Variants in TEX2 observed in about 807,000 individuals in gnomAD.
TEX2 encodes testis-expressed protein 2.
TEX2 carries 53 observed loss-of-function variants against 106.9 expected under a neutral mutation model. That is an observed-to-expected ratio of 0.50 (90% CI 0.40 to 0.62). The LOEUF is 0.62. TEX2 is among the 20% of genes least tolerant of loss of function. The pLI is 0.00. For synonymous variants in TEX2, 523 were observed against 534.8 expected, an observed-to-expected ratio of 0.98 and a Z score of 0.30; for missense variants, 1,207 against 1,379.0, an observed-to-expected ratio of 0.88 and a Z score of 1.98.
At chr17:64,242,710 T>C (rs1555635881) in intron 1 of TEX2, among the ~76,000 whole-genome samples, 2 of 152,166 alleles carry the variant, frequency 1.3e-5, no homozygotes, top group African/African-American at 4.8e-5. Context: ...GCAGTTTTCA[T>C]AACGTACTTT....
intron 1 of TEX2, among the ~76,000 whole-genome samples, chr17:64,216,632 T>C (rs1479637469): frequency 1.3e-5 from 2 of 152,198 alleles, no homozygotes; most frequent in Non-Finnish European, 2.9e-5. Context: ...AGGCCCAGCC[T>C]AGCGCCAAAG....
At chr17:64,191,891 AT>A (rs1263243109) in intron 4 of TEX2, among the ~76,000 whole-genome samples, 3 of 152,034 alleles carry the variant, frequency 2.0e-5, no homozygotes, top group Non-Finnish European at 2.9e-5. Context: ...ATTTGAATAT[AT>A]TTTTAACCCA....
At chr17:64,238,506 TAAAGA>T (rs1448173470) in intron 1 of TEX2, among the ~76,000 whole-genome samples, 2 of 152,236 alleles carry the variant, frequency 1.3e-5, no homozygotes, top group African/African-American at 4.8e-5. Context: ...TGGTAATTTA[TAAAGA>T]AAAGAGGTTT....
At chr17:64,170,941 C>T (rs1202793101) in intron 7 of TEX2, among the ~76,000 whole-genome samples, 159 bp downstream of exon 7, 1 of 152,066 alleles carries the variant, frequency 6.6e-6, no homozygotes, top group African/African-American at 2.4e-5. Context: ...GGCCCCAAAT[C>T]AGTTTTAAGG....
rs1464647908 is a variant in TEX2 at position 64,195,028 on chromosome 17, A to T, written c.1712T>A (p.Phe571Tyr). Reference sequence around the variant, plus strand: ...TAAGGTTCCACCCTCAAGTCGAACAAAGACTGAATGTGTCAAAGTCGCATG... The same window carrying T: ...TAAGGTTCCACCCTCAAGTCGAACATAGACTGAATGTGTCAAAGTCGCATG... ...TYHATLTHSVFVRLEGGTLRL... is the reference protein window; with the variant it reads ...TYHATLTHSVYVRLEGGTLRL... The change falls in exon 3 of 12, where the codon TTT becomes TAT. Residue 571 changes from phenylalanine (F) to tyrosine (Y), a missense_variant. This residue lies in a region of TEX2 where 1,067 missense variants were observed against 1,193.6 expected (regional missense o/e 0.89). Coordinates refer to ENST00000584379, the MANE Select transcript of TEX2 (RefSeq NM_001288732.2). This position sits in a 1 kb window ranked among gnomAD's most constrained non-coding sequence, Gnocchi z 4.1. 6.2e-7 allele frequency: 1 copy of T among 1,614,088 alleles called. No homozygotes were observed. The highest frequency in any genetic ancestry group is 1.7e-5 in the Admixed American group (1 of 59,998).
chr17:64,224,524 T>C (rs2033451251), intron 1 of TEX2, among the ~76,000 whole-genome samples: 1 of 152,234 alleles, frequency 6.6e-6, no homozygotes, highest in South Asian at 2.1e-4. Flanking sequence ...CTTAGTTTCA[T>C]TTAAAGAAAA....
chr17:64,179,602 G>C (rs113554981), intron 5 of TEX2, among the ~76,000 whole-genome samples: 466 of 152,248 alleles, frequency 3.1e-3, no homozygotes, highest in Non-Finnish European at 5.1e-3. Context: ...CCCACCAGCA[G>C]GAACCAACTC....
intron 2 of TEX2, among the ~76,000 whole-genome samples, chr17:64,198,853 G>T (rs2032563601): frequency 6.6e-6 from 1 of 151,958 alleles, no homozygotes; most frequent in East Asian, 1.9e-4. Context: ...GAGAAAAAAA[G>T]GATTAACATG....
At chr17:64,186,782 C>G (rs575618275) in intron 5 of TEX2, among the ~76,000 whole-genome samples, 3 of 152,078 alleles carry the variant, frequency 2.0e-5, no homozygotes, top group Non-Finnish European at 4.4e-5. Context: ...GCCATGTTCA[C>G]GACACTGCAC....
At chr17:64,176,393 TG>T (rs1473321973) in intron 6 of TEX2, among the ~76,000 whole-genome samples, 3 of 152,154 alleles carry the variant, frequency 2.0e-5, no homozygotes, top group Admixed American at 6.5e-5. Context: ...TCTGAAATAA[TG>T]GGCAAAATTT....
At position 64,148,173 on chromosome 17, in the gene TEX2, T is replaced by G; in HGVS notation, c.*796A>C. 6.6e-6 allele frequency: 1 copy of G among 152,652 alleles called. No homozygotes were observed. Among genetic ancestry groups the G allele is most frequent in the South Asian group, 2.1e-4 (1 of 4,830 alleles). 9.5% of individuals were successfully genotyped at this position (152,652 alleles called of 1,614,324 possible). A position where few individuals can be genotyped will look rare whatever the true frequency, so the allele number is the denominator to read the frequency against. On this transcript the variant is annotated 3_prime_UTR_variant, in exon 12 of 12. Coordinates refer to ENST00000584379, the MANE Select transcript of TEX2 (RefSeq NM_001288732.2). ...CAGATGGAAAAACTGGCTCTGGCTT[T>G]CTAACCCCATCCCATCTGTATGAGA...
intron 3 of TEX2, 88 bp downstream of exon 3, chr17:64,194,807 T>G: frequency 4.6e-6 from 6 of 1,305,798 alleles, no homozygotes; most frequent in Non-Finnish European, 6.6e-6. Context: ...CAAACCTTTT[T>G]AGGGTATAAA....
intron 1 of TEX2, among the ~76,000 whole-genome samples, chr17:64,247,738 T>C (rs751322104): frequency 2.6e-5 from 4 of 152,168 alleles, no homozygotes; most frequent in Non-Finnish European, 5.9e-5. Flanking sequence ...AGACCTGAAG[T>C]TCCTCTTTAA....
chr17:64,232,481 G>A (rs2143324119), intron 1 of TEX2, among the ~76,000 whole-genome samples: 1 of 152,264 alleles, frequency 6.6e-6, no homozygotes, highest in Admixed American at 6.5e-5. Context: ...GGTTCATAAT[G>A]ACATTATAAA....
intron 7 of TEX2, among the ~76,000 whole-genome samples, chr17:64,166,187 C>A (rs1567911795): frequency 6.6e-6 from 1 of 152,218 alleles, no homozygotes; most frequent in Non-Finnish European, 1.5e-5. Context: ...AATACTAACA[C>A]AGTGGCCGGA....
intron 2 of TEX2, among the ~76,000 whole-genome samples, chr17:64,197,313 A>G (rs2032506357): frequency 6.6e-6 from 1 of 152,062 alleles, no homozygotes; most frequent in Admixed American, 6.6e-5. Flanking sequence ...CTATTGGACT[A>G]TTTAGGTTAT....
rs187874876 is a variant in TEX2 at position 64,251,183 on chromosome 17, G to A, written c.-26+11985C>T. Among the ~76,000 whole-genome samples the A allele has an allele frequency of 1.8e-4, 28 of 152,286 alleles. 1 individual carries two copies. Among genetic ancestry groups the A allele is most frequent in the African/African-American group, 6.0e-4 (25 of 41,534 alleles). On this transcript the variant is annotated intron_variant, in intron 1 of 11. Transcript: ENST00000584379. Reference sequence around the variant, plus strand: ...TTAAGGTTTCCAGCACATGGGGAATGAGCTGTTCACACTCAGGCATGAGCT... The same window carrying A: ...TTAAGGTTTCCAGCACATGGGGAATAAGCTGTTCACACTCAGGCATGAGCT...
intron 7 of TEX2, among the ~76,000 whole-genome samples, chr17:64,163,004 C>T (rs1349955288): frequency 6.6e-6 from 1 of 152,208 alleles, no homozygotes; most frequent in Non-Finnish European, 1.5e-5. Flanking sequence ...GGGCATCTGA[C>T]TGAGCCTCTG....
At chr17:64,181,210 GTT>G (rs2031841435) in intron 5 of TEX2, among the ~76,000 whole-genome samples, 4 of 152,130 alleles carry the variant, frequency 2.6e-5, no homozygotes, top group Admixed American at 2.6e-4. Flanking sequence ...GGGCGTGGTG[GTT>G]CATGCCTGTA....
Sources: allele counts gnomAD v4.1 joint callset (sites outside exome capture counted in the v4.1 genomes callset), GRCh38; gene constraint gnomAD v4.1.1; regional missense constraint gnomAD v4.1.1; non-coding constraint Gnocchi (gnomAD v3.1); transcripts MANE v1.5; gene names NCBI Gene and HGNC (gene_info 2026-07-23, HGNC 2026-07-21).